The following MAST4 variants were observed in gnomAD, a reference collection of about 807,000 sequenced individuals.
The protein encoded by MAST4 is microtubule-associated serine/threonine-protein kinase 4.
Under a neutral mutation model 162.7 loss-of-function variants are expected in MAST4, and 89 were observed. The observed-to-expected ratio is 0.55, with a 90% CI of 0.46 to 0.65. MAST4 has a LOEUF of 0.65. Among genes scored for constraint, MAST4 ranks in the 30% least tolerant of loss-of-function variants. MAST4 has a pLI of 0.00. For missense variants in MAST4, 3,153 were observed against 3,374.0 expected (o/e 0.93, Z 1.62); for synonymous variants, 1,479 against 1,361.1 (o/e 1.09, Z -1.91).
rs1292161163 is a variant in MAST4 at position 67,169,084 on chromosome 5, A to T, written c.*2033A>T. 1 of 152,138 alleles carries T rather than the reference A, an allele frequency of 6.6e-6. No homozygotes were observed. Among genetic ancestry groups the T allele is most frequent in the Non-Finnish European group, 1.5e-5 (1 of 68,022 alleles). 9.4% of individuals were successfully genotyped at this position (152,138 alleles called of 1,614,324 possible). A position where few individuals can be genotyped will look rare whatever the true frequency, so the allele number is the denominator to read the frequency against. On this transcript the variant is annotated 3_prime_UTR_variant, in exon 29 of 29. Transcript: ENST00000403625. ...TTTATAATACATATCTGTGTTTGGC[A>T]GTTGTCATAACCCAATCCTACATTC...
chr5:66,966,313 A>G (rs1178973539), intron 4 of MAST4, among the ~76,000 whole-genome samples: 1 of 152,208 alleles, frequency 6.6e-6, no homozygotes. Flanking sequence ...CACTCTGTAT[A>G]TGGAATGTAC....
intron 1 of MAST4, among the ~76,000 whole-genome samples, chr5:66,616,995 C>A (rs1438047835): frequency 6.6e-6 from 1 of 152,050 alleles, no homozygotes; most frequent in East Asian, 1.9e-4. Context: ...AGTGGTTGAG[C>A]CTTGAAAAGA....
At chr5:67,080,349 A>T (rs955486827) in intron 5 of MAST4, among the ~76,000 whole-genome samples, 5 of 152,038 alleles carry the variant, frequency 3.3e-5, no homozygotes, top group Admixed American at 3.3e-4. Context: ...GAATAATCAC[A>T]ACTTTTTTTC....
chr5:67,106,251 C>G (rs773409860), intron 10 of MAST4, among the ~76,000 whole-genome samples: 2 of 152,164 alleles, frequency 1.3e-5, no homozygotes, highest in Non-Finnish European at 2.9e-5. Flanking sequence ...ATCCTTACCT[C>G]AGACCAGTAG....
intron 3 of MAST4, among the ~76,000 whole-genome samples, chr5:66,809,732 A>T (rs1027881015): frequency 5.9e-5 from 9 of 152,190 alleles, no homozygotes; most frequent in African/African-American, 2.2e-4. Flanking sequence ...CAATTAAAAT[A>T]TATGACTTTT....
intron 4 of MAST4, among the ~76,000 whole-genome samples, chr5:66,914,988 C>T (rs989372946): frequency 2.0e-5 from 3 of 152,078 alleles, no homozygotes; most frequent in Non-Finnish European, 2.9e-5. Flanking sequence ...AGAGGCCCGG[C>T]GAGGTGGCTT....
chr5:67,077,269 A>C (rs756026834), intron 5 of MAST4, among the ~76,000 whole-genome samples: 2 of 152,012 alleles, frequency 1.3e-5, no homozygotes, highest in Non-Finnish European at 1.5e-5. Flanking sequence ...GAAGCTTTAA[A>C]AATGACTGAT....
At chr5:66,982,709 G>A (rs927610790) in intron 4 of MAST4, among the ~76,000 whole-genome samples, 4 of 152,134 alleles carry the variant, frequency 2.6e-5, no homozygotes, top group Non-Finnish European at 4.4e-5. Context: ...ATATTCTGGC[G>A]GCGGATATCA....
intron 1 of MAST4, among the ~76,000 whole-genome samples, chr5:66,709,143 G>T (rs181719393): frequency 2.6e-5 from 4 of 151,970 alleles, no homozygotes; most frequent in African/African-American, 4.8e-5. Flanking sequence ...TTGAAATTAT[G>T]AAATATTACA....
Position 67,166,274 on chromosome 5 carries a change from C to T in MAST4, c.7095C>T (p.Thr2365=). The T allele has an allele frequency of 1.3e-6, 2 of 1,556,504 alleles. No homozygotes were observed. Among genetic ancestry groups the T allele is most frequent in the Non-Finnish European group, 1.7e-6 (2 of 1,149,622 alleles). The change falls in exon 29 of 29, where the codon ACC becomes ACT. Residue 2365 remains threonine (T), a synonymous_variant. Coordinates refer to ENST00000403625, the MANE Select transcript of MAST4 (RefSeq NM_001164664.2). ...GCCCGAGTCAGCCGGCCGCCAACAC[C>T]GACAGAAGGGCGGAAGGGAAGAAAT... ...DKSPSQPAAN[T]DRRAEGKKCT...
Position 67,004,663 on chromosome 5 carries a change from C to T in MAST4, c.675-49741C>T, listed in dbSNP as rs547694728. The T allele has an allele frequency of 4.4e-5, 10 of 225,580 alleles. No homozygotes were observed. In the East Asian group the frequency reaches 7.8e-4, roughly 18 times the overall value. The allele number at this position is 225,580 out of a possible 1,614,324, so 14.0% of individuals were successfully genotyped here. On this transcript the variant is annotated intron_variant, in intron 4 of 28. Coordinates refer to ENST00000403625, the MANE Select transcript of MAST4 (RefSeq NM_001164664.2). ...CTCCGACTGAATCCCACAGACAGCG[C>T]TTTGAGCAGAACGCACGGCTCAACT...
intron 1 of MAST4, among the ~76,000 whole-genome samples, chr5:66,656,227 T>C (rs1299545392): frequency 1.3e-5 from 2 of 152,216 alleles, no homozygotes; most frequent in East Asian, 1.9e-4. Flanking sequence ...CCACTGCATG[T>C]CAAATATTGG....
chr5:66,919,099 AACACAC>A lies in MAST4; in HGVS notation c.674+19151_674+19156del, dbSNP rs56340246. Among the ~76,000 whole-genome samples, 704 of 142,300 alleles carry A rather than the reference AACACAC, an allele frequency of 4.9e-3. 4 individuals are homozygous for A. Among genetic ancestry groups the A allele is most frequent in the African/African-American group, 8.9e-3 (340 of 38,014 alleles). 93.4% of individuals were successfully genotyped at this position (142,300 alleles called of 152,430 possible). ...GCCTGGGTGACAGAGCGAGACTCTC[AACACAC>A]ACACACACACACACACACACACACA... On this transcript the variant is annotated intron_variant, in intron 4 of 28. Coordinates refer to ENST00000403625, the MANE Select transcript of MAST4 (RefSeq NM_001164664.2).
At chr5:66,725,879 A>T (rs556835227) in intron 1 of MAST4, among the ~76,000 whole-genome samples, 1 of 152,176 alleles carries the variant, frequency 6.6e-6, no homozygotes, top group Admixed American at 6.6e-5. Flanking sequence ...GATGTTGATG[A>T]TATTCACTCA....
At position 66,978,468 on chromosome 5, in the gene MAST4, A is replaced by T. The variant is rs145629434; in HGVS notation, c.675-75936A>T. On this transcript the variant is annotated intron_variant, in intron 4 of 28. Coordinates refer to ENST00000403625, the MANE Select transcript of MAST4 (RefSeq NM_001164664.2). ...CTGTGGGAAGGATACCAAGAAGAGA[A>T]GATGTTCTTCTTTTAGTTTTAAGTA... is the stretch of plus-strand genomic sequence containing the variant. Among the ~76,000 whole-genome samples the T allele has an allele frequency of 8.5e-5, 13 of 152,342 alleles. 1 individual carries two copies. In the East Asian group the frequency reaches 2.5e-3, roughly 29 times the overall value.
At chr5:67,030,254 G>A (rs1315612509) in intron 4 of MAST4, among the ~76,000 whole-genome samples, 1 of 152,084 alleles carries the variant, frequency 6.6e-6, no homozygotes, top group African/African-American at 2.4e-5. Flanking sequence ...TTTAGTAATA[G>A]CATGGTGTGA....
intron 4 of MAST4, among the ~76,000 whole-genome samples, chr5:67,040,281 A>G (rs1756571427): frequency 6.6e-6 from 1 of 152,152 alleles, no homozygotes; most frequent in African/African-American, 2.4e-5. Flanking sequence ...GAACAAAAAA[A>G]AATCTGCTGC....
intron 4 of MAST4, among the ~76,000 whole-genome samples, chr5:67,000,794 C>A: frequency 6.6e-6 from 1 of 150,756 alleles, no homozygotes; most frequent in Admixed American, 6.6e-5. Context: ...GGGCAGTAGA[C>A]AGAATTCAAG....
intron 3 of MAST4, chr5:66,828,650 G>A (rs377358338): frequency 4.5e-5 from 31 of 684,664 alleles, no homozygotes; most frequent in South Asian, 3.7e-4. Flanking sequence ...CTCTCCCACC[G>A]AACTGCAAGC....
Sources: gnomAD v4.1 joint callset for allele counts (sites outside exome capture counted in the v4.1 genomes callset) on GRCh38, gnomAD v4.1.1 for gene constraint, MANE v1.5 for transcripts, NCBI Gene and HGNC (gene_info 2026-07-23, HGNC 2026-07-21) for gene names.